The following ITGB6 variants were observed in gnomAD, a reference collection of about 807,000 sequenced individuals.
The protein encoded by ITGB6 is integrin subunit beta 6.
A neutral mutation model predicts 84.5 loss-of-function variants in ITGB6; 80 were observed. The observed-to-expected ratio is 0.95, with a 90% CI of 0.79 to 1.14. ITGB6 has a LOEUF of 1.14. ITGB6 is among the 50% of genes most tolerant of loss of function. The pLI, the probability that ITGB6 is intolerant of heterozygous loss-of-function variation, is 0.00. For missense variants in ITGB6, 1,006 were observed against 968.0 expected, an observed-to-expected ratio of 1.04 and a Z score of -0.52; for synonymous variants, 383 against 354.9, an observed-to-expected ratio of 1.08 and a Z score of -0.89.
intron 4 of ITGB6, among the ~76,000 whole-genome samples, chr2:160,190,541 C>T: frequency 6.6e-6 from 1 of 152,126 alleles, no homozygotes; most frequent in East Asian, 1.9e-4. Flanking sequence ...GTACCTGCTT[C>T]CCCAAAGGAT....
intron 2 of ITGB6, among the ~76,000 whole-genome samples, chr2:160,198,451 T>G (rs574599774): frequency 6.6e-6 from 1 of 152,346 alleles, no homozygotes; most frequent in East Asian, 1.9e-4. Context: ...AGATTATCTT[T>G]ATGAGATCCA....
chr2:160,183,546 C>A (rs796452080), intron 4 of ITGB6, among the ~76,000 whole-genome samples: 9 of 152,272 alleles, frequency 5.9e-5, no homozygotes, highest in African/African-American at 1.9e-4. Flanking sequence ...TAGTGGGAGA[C>A]TTTCACACTC....
chr2:160,186,894 C>T lies in ITGB6; in HGVS notation c.593+8475G>A, dbSNP rs182154064. On this transcript the variant is annotated intron_variant, in intron 4 of 14. Transcript: ENST00000283249. The stretch of plus-strand genomic sequence containing the variant: ...AAACCAAACAGTGCATGTTCTCACT[C>T]GTAAGTGGGAGTTGAACAATGAGAA... 1.6e-3 allele frequency among the ~76,000 whole-genome samples: 239 copies of T among 149,982 alleles called. 1 individual carries two copies. The highest frequency in any genetic ancestry group is 5.5e-3 in the African/African-American group (224 of 40,730).
intron 10 of ITGB6, among the ~76,000 whole-genome samples, chr2:160,128,052 A>G (rs892188044): frequency 2.0e-5 from 3 of 152,214 alleles, no homozygotes; most frequent in Non-Finnish European, 2.9e-5. Flanking sequence ...AACACACTTT[A>G]ATTGAGCATA....
At chr2:160,120,546 T>G in intron 12 of ITGB6, among the ~76,000 whole-genome samples, 1 of 58,288 alleles carries the variant, frequency 1.7e-5, no homozygotes, top group Non-Finnish European at 3.6e-5. Flanking sequence ...AGGGATAGCA[T>G]TGGGAGATAT....
chr2:160,140,769 T>C (rs1296287635), intron 8 of ITGB6, among the ~76,000 whole-genome samples: 1 of 152,182 alleles, frequency 6.6e-6, no homozygotes, highest in Non-Finnish European at 1.5e-5. Context: ...AAAACCATCA[T>C]CTTATAATTT....
In ITGB6 at chr2:160,200,001, AC is replaced by A; in HGVS notation, c.61+1del. ...TAATATATCAGAGAACGCAGGTCTT[AC>A]CTTGTACGTGATCATTCCTTCCTAG... On this transcript the variant is annotated splice_donor_variant, in intron 1 of 14. Transcript: ENST00000283249. LOFTEE classifies it high-confidence loss of function. 1.2e-6 allele frequency: 2 copies of A among 1,611,934 alleles called. No homozygotes were observed. Among genetic ancestry groups the A allele is most frequent in the South Asian group, 2.2e-5 (2 of 90,970 alleles).
At chr2:160,119,619 GT>G (rs1317196644) in intron 12 of ITGB6, among the ~76,000 whole-genome samples, 1 of 152,074 alleles carries the variant, frequency 6.6e-6, no homozygotes, top group Admixed American at 6.6e-5. Flanking sequence ...AGGACTTCAT[GT>G]CTAAAACACC....
intron 8 of ITGB6, among the ~76,000 whole-genome samples, chr2:160,140,044 T>C (rs1449387744): frequency 2.0e-5 from 3 of 152,202 alleles, no homozygotes; most frequent in African/African-American, 7.2e-5. Flanking sequence ...AAGCATTTTA[T>C]GTTTTCTCTC....
intron 7 of ITGB6, among the ~76,000 whole-genome samples, chr2:160,146,717 G>A (rs556660390): frequency 5.7e-4 from 87 of 151,954 alleles, no homozygotes; most frequent in South Asian, 5.2e-3. Flanking sequence ...TAATGGCAGC[G>A]TAACATACAG....
intron 8 of ITGB6, among the ~76,000 whole-genome samples, chr2:160,141,567 T>C (rs1684001861): frequency 6.6e-6 from 1 of 152,216 alleles, no homozygotes; most frequent in East Asian, 1.9e-4. Context: ...ACTTGTATTT[T>C]TGCTTGAGTT....
chr2:160,111,907 G>A (rs531612136), intron 13 of ITGB6, among the ~76,000 whole-genome samples, 173 bp downstream of exon 13: 11 of 152,192 alleles, frequency 7.2e-5, no homozygotes, highest in African/African-American at 2.4e-4. Context: ...AGAGACACTG[G>A]AACATACTGA....
intron 4 of ITGB6, among the ~76,000 whole-genome samples, chr2:160,175,365 C>G (rs180907628): frequency 6.6e-6 from 1 of 152,138 alleles, no homozygotes; most frequent in Non-Finnish European, 1.5e-5. Context: ...CTGAGTCATT[C>G]GTGGACATGT....
intron 4 of ITGB6, among the ~76,000 whole-genome samples, chr2:160,183,321 A>T (rs1352843529): frequency 6.6e-6 from 1 of 152,180 alleles, no homozygotes; most frequent in African/African-American, 2.4e-5. Flanking sequence ...GAAAGCAAAA[A>T]AAAGCAGGGG....
intron 6 of ITGB6, among the ~76,000 whole-genome samples, chr2:160,169,876 A>G (rs962443982): frequency 1.3e-5 from 2 of 152,206 alleles, no homozygotes; most frequent in Middle Eastern, 3.2e-3. Flanking sequence ...ATCGTGCAAT[A>G]TTTTTACAGG....
chr2:160,161,713 A>G lies in ITGB6; in HGVS notation c.1017+7499T>C, dbSNP rs539733891. The stretch of plus-strand genomic sequence containing the variant: ...CCTCACTTTTCTTTTTGCAAATAGT[A>G]TATATTAGTTTTATAATCAGAAAAA... On this transcript the variant is annotated intron_variant, in intron 7 of 14. Coordinates refer to ENST00000283249, the MANE Select transcript of ITGB6 (RefSeq NM_000888.5). 5.3e-5 allele frequency among the ~76,000 whole-genome samples: 8 copies of G among 152,246 alleles called. No homozygotes were observed. In the East Asian group the frequency reaches 1.5e-3, roughly 29 times the overall value.
intron 11 of ITGB6, among the ~76,000 whole-genome samples, chr2:160,124,597 A>C (rs1024573460): frequency 3.3e-5 from 5 of 152,226 alleles, no homozygotes; most frequent in African/African-American, 1.2e-4. Context: ...TTGTGCTGAA[A>C]ATCACTTTAC....
chr2:160,195,471 G>A lies in ITGB6; in HGVS notation c.491C>T (p.Ser164Phe). 1 of 1,614,198 alleles carries A rather than the reference G, an allele frequency of 6.2e-7. No homozygotes were observed. Among genetic ancestry groups the A allele is most frequent in the Non-Finnish European group, 8.5e-7 (1 of 1,180,016 alleles). Residue 164 changes from serine to phenylalanine, a missense_variant, in exon 4 of 15, where the codon TCT (serine) becomes TTT (phenylalanine). By Grantham distance (155) the Ser-to-Phe change is radical. Coordinates refer to ENST00000283249, the MANE Select transcript of ITGB6 (RefSeq NM_000888.5). ...ELGSRLSKEMSKLTSNFRLGF... is the reference protein window; with the variant it reads ...ELGSRLSKEMFKLTSNFRLGF... ...CAGTCTAAAGTTGCTGGTTAATTTA[G>A]ACATCTCTTTGGAAAGCCGGGAGCC...
chr2:160,164,250 T>C (rs1292367843), intron 7 of ITGB6, among the ~76,000 whole-genome samples: 1 of 152,228 alleles, frequency 6.6e-6, no homozygotes, highest in East Asian at 1.9e-4. Context: ...AACTTTGGCA[T>C]AGTTCACAGG....
Sources: allele counts gnomAD v4.1 joint callset (sites outside exome capture counted in the v4.1 genomes callset), GRCh38; gene constraint gnomAD v4.1.1; transcripts MANE v1.5; gene names NCBI Gene and HGNC (gene_info 2026-07-23, HGNC 2026-07-21).